SCART1: variants seen among roughly 807,000 people sequenced by gnomAD.
SCART1 encodes scavenger receptor family member expressed on T cells 1.
Under a neutral mutation model 36.2 loss-of-function variants are expected in SCART1, and 62 were observed. That is an observed-to-expected ratio of 1.71 (90% confidence interval 1.40 to 2.12). The LOEUF is 2.12. Ranked by LOEUF, SCART1 falls within the 30% of genes most tolerant of loss-of-function variation. The pLI is 0.00. For missense variants in SCART1, 1,041 were observed against 540.5 expected, an observed-to-expected ratio of 1.93 and a Z score of -9.18; for synonymous variants, 487 against 238.7, an observed-to-expected ratio of 2.04 and a Z score of -9.59.
chr10:133,458,094 T>A (rs943980), intron 3 of SCART1: 1 of 667,730 alleles, frequency 1.5e-6, no homozygotes. Flanking sequence ...TGTCATGGCC[T>A]CGGACAGGCA....
At chr10:133,461,634 C>T (rs1181516628) in intron 6 of SCART1, among the ~76,000 whole-genome samples, 1 of 152,112 alleles carries the variant, frequency 6.6e-6, no homozygotes, top group African/African-American at 2.4e-5. Context: ...CTCTTCAGTC[C>T]TTTGGTGTAT....
exon 9 of SCART1, chr10:133,465,333 C>G: frequency 1.5e-6 from 1 of 687,882 alleles, no homozygotes; most frequent in East Asian, 2.7e-5. Context: ...CCTGGGGCAC[C>G]GTGTGCGACG....
At chr10:133,454,033 C>A (rs1564832557) in exon 1 of SCART1, 1 of 702,994 alleles carries the variant, frequency 1.4e-6, no homozygotes, top group Non-Finnish European at 2.6e-6. Flanking sequence ...GACTCGGGCC[C>A]CTTCTTCTGA....
In SCART1 at chr10:133,460,185, G is replaced by T. The variant is rs1008315513; in HGVS notation, c.1969+15G>T. 3 of 471,690 alleles carry T rather than the reference G, an allele frequency of 6.4e-6. No homozygotes were observed. Among genetic ancestry groups the T allele is most frequent in the Non-Finnish European group, 7.4e-6 (2 of 268,636 alleles). 29.2% of individuals were successfully genotyped at this position (471,690 alleles called of 1,614,324 possible). A position where few individuals can be genotyped will look rare whatever the true frequency, so the allele number is the denominator to read the frequency against. ...CTTCTGCTCAGGTGAGCGGCCGTTG[G>T]GTATGGAATGATCATGCTGTTTTAT... On this transcript the variant is annotated intron_variant, in intron 6 of 11. Coordinates refer to ENST00000640237, the Ensembl canonical transcript of SCART1.
At chr10:133,454,270 C>T (rs1247875064) in intron 1 of SCART1, among the ~76,000 whole-genome samples, 1 of 152,160 alleles carries the variant, frequency 6.6e-6, no homozygotes, top group Admixed American at 6.5e-5. Flanking sequence ...AGACCCTAGC[C>T]CCACTGCTTG....
chr10:133,459,793 T>G (rs1389012321), exon 6 of SCART1: 1 of 667,910 alleles, frequency 1.5e-6, no homozygotes, highest in Admixed American at 2.2e-5. Flanking sequence ...GACGCCGGCG[T>G]GGTGTGCTCC....
At chr10:133,457,536 G>A (rs1055090609) in exon 3 of SCART1, 19 of 702,094 alleles carry the variant, frequency 2.7e-5, no homozygotes, top group South Asian at 4.4e-5. Flanking sequence ...CTTCCGCAGC[G>A]GCTGCGACCT....
At chr10:133,456,897 C>T (rs937112884) in intron 2 of SCART1, among the ~76,000 whole-genome samples, 1 of 152,182 alleles carries the variant, frequency 6.6e-6, no homozygotes, top group Admixed American at 6.5e-5. Flanking sequence ...GTTTCTTAGA[C>T]AAATGACAGA....
intron 6 of SCART1, among the ~76,000 whole-genome samples, chr10:133,464,035 T>G (rs1302010410): frequency 6.6e-6 from 1 of 152,102 alleles, no homozygotes; most frequent in Non-Finnish European, 1.5e-5. Context: ...GAGATCAACA[T>G]TTTTAAGCTT....
At chr10:133,457,317 A>G in exon 3 of SCART1, 1 of 698,862 alleles carries the variant, frequency 1.4e-6, no homozygotes, top group Admixed American at 2.0e-5. Flanking sequence ...GAAGGGCCGC[A>G]GTCCCTGCGC....
chr10:133,457,405 G>A (rs1262145063), exon 3 of SCART1: 1 of 702,146 alleles, frequency 1.4e-6, no homozygotes, highest in South Asian at 1.5e-5. Context: ...ATGGTGTTCT[G>A]CCGGGAGCTG....
exon 6 of SCART1, chr10:133,459,626 C>A: frequency 1.5e-6 from 1 of 675,262 alleles, no homozygotes; most frequent in Non-Finnish European, 2.7e-6. Flanking sequence ...GCCGGCAACT[C>A]GGGTGCAGAG....
intron 2 of SCART1, among the ~76,000 whole-genome samples, chr10:133,456,870 A>C (rs962025753): frequency 1.6e-4 from 24 of 152,176 alleles, no homozygotes; most frequent in Non-Finnish European, 3.1e-4. Context: ...TGAGGCCCAC[A>C]CAGGTAGCTG....
At chr10:133,457,442 C>A (rs966893473) in exon 3 of SCART1, 2 of 702,428 alleles carry the variant, frequency 2.8e-6, no homozygotes, top group Non-Finnish European at 5.2e-6. Flanking sequence ...TCCAGGCCCC[C>A]CGCCGGGACG....
chr10:133,466,967 C>A, intron 10 of SCART1: 1 of 446,008 alleles, frequency 2.2e-6, no homozygotes. Flanking sequence ...CCCCAGGCAG[C>A]ACATTGGGGC....
At position 133,466,391 on chromosome 10, in the gene SCART1, A is replaced by G. The variant is rs2133559922; in HGVS notation, c.2806+10A>G. 2 of 701,182 alleles carry G rather than the reference A, an allele frequency of 2.9e-6. No homozygotes were observed. Among genetic ancestry groups the G allele is most frequent in the South Asian group, 3.0e-5 (2 of 67,402 alleles). The allele number at this position is 701,182 out of a possible 1,614,324, so 43.4% of individuals were successfully genotyped here. A position where few individuals can be genotyped will look rare whatever the true frequency, so the allele number is the denominator to read the frequency against. On this transcript the variant is annotated intron_variant, in intron 10 of 11. Transcript: ENST00000640237. Reference sequence around the variant, plus strand: ...CAAGCCATGCAGAGGGGTAAGCGTGAGCCCACCCTGATCCCATCAACTGGT... The same window carrying G: ...CAAGCCATGCAGAGGGGTAAGCGTGGGCCCACCCTGATCCCATCAACTGGT...
intron 4 of SCART1, 164 bp downstream of exon 4, chr10:133,458,820 AC>A: frequency 1.5e-6 from 1 of 659,146 alleles, no homozygotes; most frequent in South Asian, 1.7e-5. Context: ...AGAGTGATGT[AC>A]CCCAAGGCTG....
intron 6 of SCART1, among the ~76,000 whole-genome samples, chr10:133,463,082 G>A (rs1850720923): frequency 1.3e-5 from 2 of 152,172 alleles, no homozygotes; most frequent in South Asian, 4.1e-4. Context: ...CAGCTTTAAA[G>A]GATTGTCTAA....
chr10:133,464,751 G>T (rs1162191385), exon 7 of SCART1: 3 of 701,064 alleles, frequency 4.3e-6, no homozygotes, highest in Non-Finnish European at 5.2e-6. Context: ...TGGGGTGTGG[G>T]GTGTGGGGAG....
Sources: allele counts gnomAD v4.1 joint callset (sites outside exome capture counted in the v4.1 genomes callset), GRCh38; gene constraint gnomAD v4.1.1; transcripts MANE v1.5; gene names NCBI Gene and HGNC (gene_info 2026-07-23, HGNC 2026-07-21).